Variants in LRRC39 observed in about 807,000 individuals in gnomAD.
The protein encoded by LRRC39 is leucine rich repeat containing 39, also known as leucine-rich repeat-containing protein 39.
LRRC39 carries 35 observed loss-of-function variants against 39.7 expected under a neutral mutation model. The observed-to-expected ratio is 0.88, with a 90% CI of 0.67 to 1.17. LRRC39 has a LOEUF of 1.17. Ranked by LOEUF, LRRC39 falls within the 50% of genes most tolerant of loss-of-function variation. LRRC39 has a pLI of 0.00. For missense variants in LRRC39, 357 were observed against 385.8 expected (o/e 0.93, Z 0.62); for synonymous variants, 113 against 134.1 (o/e 0.84, Z 1.09).
intron 3 of LRRC39, among the ~76,000 whole-genome samples, chr1:100,161,363 T>C (rs1181581418): frequency 6.6e-6 from 1 of 152,264 alleles, no homozygotes; most frequent in Non-Finnish European, 1.5e-5. Flanking sequence ...ATAGCCTTTG[T>C]GTCTGCTTAT....
intron 3 of LRRC39, among the ~76,000 whole-genome samples, chr1:100,165,873 CTTTTT>C (rs370682819): frequency 7.9e-6 from 1 of 126,708 alleles, no homozygotes; most frequent in Non-Finnish European, 1.7e-5. Context: ...TTTCCCCTTT[CTTTTT>C]TTTTTTTTTT....
In LRRC39 at chr1:100,156,206, T is replaced by G. The variant is rs145422779; in HGVS notation, c.625A>C (p.Asn209His). 6.1e-5 allele frequency: 99 copies of G among 1,613,872 alleles called. No homozygotes were observed. In the African/African-American group the frequency reaches 1.2e-3, roughly 19 times the overall value. Residue 209 changes from asparagine (N) to histidine (H), a missense_variant, in exon 7 of 10, where the codon AAC becomes CAC. Coordinates refer to ENST00000370137, the MANE Select transcript of LRRC39 (RefSeq NM_144620.4). The part of the protein sequence containing the change: ...PALEWLDMGS[N>H]KLEQLPDTIE... ...GTATCAGGAAGTTGTTCAAGTTTGTTGCTTCCCATGTCCAGCCACTCAAGG... is the reference window on the plus strand; with the variant it reads ...GTATCAGGAAGTTGTTCAAGTTTGTGGCTTCCCATGTCCAGCCACTCAAGG...
chr1:100,177,089 G>A (rs149873892), intron 1 of LRRC39, among the ~76,000 whole-genome samples: 123 of 152,188 alleles, frequency 8.1e-4, no homozygotes, highest in African/African-American at 3.0e-3. Context: ...ATAACTCTAT[G>A]GCAGTGTAAG....
chr1:100,153,180 T>C (rs1658184047), intron 8 of LRRC39, among the ~76,000 whole-genome samples: 1 of 152,220 alleles, frequency 6.6e-6, no homozygotes. Flanking sequence ...ACAAGGCAGG[T>C]AGTTGCTGAA....
chr1:100,162,617 G>A (rs534992549), intron 3 of LRRC39, among the ~76,000 whole-genome samples: 7 of 151,088 alleles, frequency 4.6e-5, no homozygotes, highest in African/African-American at 9.7e-5. Context: ...CAGCCTGGGC[G>A]ACAGAGCAAG....
chr1:100,155,895 C>T (rs954120306), intron 7 of LRRC39, among the ~76,000 whole-genome samples: 3 of 152,204 alleles, frequency 2.0e-5, no homozygotes, highest in Non-Finnish European at 4.4e-5. Context: ...TTCTCAAAGT[C>T]AGCCACTTTT....
At chr1:100,150,280 T>A (rs1657852132) in intron 9 of LRRC39, 1 of 152,222 alleles carries the variant, frequency 6.6e-6, no homozygotes, top group South Asian at 2.1e-4. Flanking sequence ...TCTCTTTAAG[T>A]TGTTAACTTT....
At chr1:100,177,401 GA>G (rs35967410) in intron 1 of LRRC39, among the ~76,000 whole-genome samples, 1 of 152,238 alleles carries the variant, frequency 6.6e-6, no homozygotes, top group East Asian at 1.9e-4. Context: ...CTATATTACA[GA>G]AAAAAGTTTA....
At chr1:100,163,188 C>T (rs1229474870) in intron 3 of LRRC39, among the ~76,000 whole-genome samples, 1 of 152,086 alleles carries the variant, frequency 6.6e-6, no homozygotes, top group Non-Finnish European at 1.5e-5. Context: ...ACTATTCAAA[C>T]AATGGGCTTA....
At chr1:100,174,278 A>G (rs1659822890) in intron 1 of LRRC39, among the ~76,000 whole-genome samples, 1 of 151,876 alleles carries the variant, frequency 6.6e-6, no homozygotes, top group African/African-American at 2.4e-5. Context: ...ATATACACAT[A>G]GGCACTGCAG....
At position 100,167,755 on chromosome 1, in the gene LRRC39, G is replaced by C. The variant is rs890494649; in HGVS notation, c.113+649C>G. ...CATGCCATTGCACTCCAGCCTGGGC[G>C]ACAGAGTGAGTCTCCATTTCAAAAA... On this transcript the variant is annotated intron_variant, in intron 3 of 9. Coordinates refer to ENST00000370137, the MANE Select transcript of LRRC39 (RefSeq NM_144620.4). 6.7e-5 allele frequency among the ~76,000 whole-genome samples: 10 copies of C among 149,378 alleles called. No individual in the cohort carries two copies. In the Admixed American group the frequency reaches 6.7e-4, roughly 10 times the overall value.
At chr1:100,152,639 A>G (rs1220034320) in intron 8 of LRRC39, 115 bp from the exon 9 acceptor site, 45 of 1,085,720 alleles carry the variant, frequency 4.1e-5, no homozygotes, top group Admixed American at 3.7e-4. Flanking sequence ...ACTGGTTTCA[A>G]TAACTGAACG....
chr1:100,160,564 G>A lies in LRRC39; in HGVS notation c.121C>T (p.Arg41Trp), dbSNP rs201143796. Reference protein sequence around the residue: ...REKEFQHKLVRIWEERVSLTK... With the variant: ...REKEFQHKLVWIWEERVSLTK... ...AAGCTTACTCGTTCTTCCCAGATCC[G>A]CACTAGCCTAGGAAACCAGGAAATC... Residue 41 changes from arginine to tryptophan, a missense_variant, in exon 4 of 10, where the codon CGG (arginine) becomes TGG (tryptophan). Transcript: ENST00000370137. The A allele has an allele frequency of 1.4e-4, 221 of 1,608,078 alleles. No homozygotes were observed. The highest frequency in any genetic ancestry group is 3.3e-4 in the Middle Eastern group (2 of 6,026).
At chr1:100,172,346 A>G (rs1437187473) in intron 2 of LRRC39, among the ~76,000 whole-genome samples, 1 of 152,246 alleles carries the variant, frequency 6.6e-6, no homozygotes. Context: ...TTAACAGAGA[A>G]AAGTCCTAAA....
Position 100,152,445 on chromosome 1 carries a change from G to C in LRRC39, c.892C>G (p.Arg298Gly), listed in dbSNP as rs765807301. The change falls in exon 9 of 10, where the codon CGG becomes GGG. Residue 298 changes from arginine (R) to glycine (G), a missense_variant. Arg to Gly is a moderately radical substitution (Grantham distance 125). Coordinates refer to ENST00000370137, the MANE Select transcript of LRRC39 (RefSeq NM_144620.4). ...PSEGTDEEEE[R>G]ELFGLQFMHT... ...ATAAACTGAAGGCCAAATAATTCCC[G>C]TTCCTCTTCTTCATCTGTGCCTTCA... 1 of 1,613,122 alleles carries C rather than the reference G, an allele frequency of 6.2e-7. No individual in the cohort carries two copies. The highest frequency in any genetic ancestry group is 1.7e-5 in the Admixed American group (1 of 60,002).
chr1:100,148,694 C>A lies in LRRC39; in HGVS notation c.*348G>T. 1 of 1,613,178 alleles carries A rather than the reference C, an allele frequency of 6.2e-7. No homozygotes were observed. Among genetic ancestry groups the A allele is most frequent in the Non-Finnish European group, 8.5e-7 (1 of 1,179,730 alleles). On this transcript the variant is annotated 3_prime_UTR_variant, in exon 10 of 10. Coordinates refer to ENST00000370137, the MANE Select transcript of LRRC39 (RefSeq NM_144620.4). ...AATTGCTGATTGACCAAGGTCGAAT[C>A]CAGTATTTGCAGCAGAAGGGATTCA...
At position 100,152,387 on chromosome 1, in the gene LRRC39, G is replaced by A; in HGVS notation, c.950C>T (p.Ala317Val). 1 of 1,613,508 alleles carries A rather than the reference G, an allele frequency of 6.2e-7. No individual in the cohort carries two copies. The highest frequency in any genetic ancestry group is 2.2e-5 in the East Asian group (1 of 44,852). ...TGTGTTATATACAAATCTTATACCTGCTCTTCTCCGTGACTCTTGTATGTA... is the reference window on the plus strand; with the variant it reads ...TGTGTTATATACAAATCTTATACCTACTCTTCTCCGTGACTCTTGTATGTA... ...HTYIQESRRR[A>V]DHQVNGSTTL... Residue 317 changes from alanine (A) to valine (V), a missense_variant and splice_region_variant, in exon 9 of 10, where the codon GCA (alanine) becomes GTA (valine). Ala to Val is a moderately conservative substitution (Grantham distance 64). Coordinates refer to ENST00000370137, the MANE Select transcript of LRRC39 (RefSeq NM_144620.4).
At chr1:100,179,499 CAAAAAA>C (rs60588308), upstream of LRRC39, among the ~76,000 whole-genome samples, 14 of 45,618 alleles carry the variant, frequency 3.1e-4, no homozygotes, top group South Asian at 1.2e-3. Context: ...CTGTATCTAC[CAAAAAA>C]AAAAAAAAAA....
In LRRC39 at chr1:100,149,113, C is replaced by T; in HGVS notation, c.953-16G>A. Reference sequence around the variant, plus strand: ...ACTTGGTGATCTGAAACATACATAACATGTCAACACATAATTAGCGTATTT... The same window carrying T: ...ACTTGGTGATCTGAAACATACATAATATGTCAACACATAATTAGCGTATTT... On this transcript the variant is annotated splice_polypyrimidine_tract_variant and intron_variant, in intron 9 of 9. Coordinates refer to ENST00000370137, the MANE Select transcript of LRRC39 (RefSeq NM_144620.4). The T allele has an allele frequency of 1.3e-6, 2 of 1,590,148 alleles. No homozygotes were observed. The highest frequency in any genetic ancestry group is 1.4e-5 in the African/African-American group (1 of 73,886).
Sources: allele counts gnomAD v4.1 joint callset (sites outside exome capture counted in the v4.1 genomes callset), GRCh38; gene constraint gnomAD v4.1.1; transcripts MANE v1.5; gene names NCBI Gene and HGNC (gene_info 2026-07-23, HGNC 2026-07-21).